Variants in KDM4C observed in about 807,000 individuals in gnomAD.
The protein encoded by KDM4C is lysine demethylase 4C.
A neutral mutation model predicts 129.3 loss-of-function variants in KDM4C; 81 were observed. The ratio of observed to expected loss-of-function variants is 0.63; its 90% confidence interval spans 0.52 to 0.75. The LOEUF is 0.75. Among genes scored for constraint, KDM4C ranks in the 30% least tolerant of loss-of-function variants. The pLI, the probability that KDM4C is intolerant of heterozygous loss-of-function variation, is 0.00. For synonymous variants in KDM4C, 573 were observed against 456.1 expected (o/e 1.26, Z -3.26); for missense variants, 1,457 against 1,304.0 (o/e 1.12, Z -1.81).
chr9:6,754,503 G>A (rs1357582088), upstream of KDM4C, among the ~76,000 whole-genome samples: 1 of 152,132 alleles, frequency 6.6e-6, no homozygotes, highest in Non-Finnish European at 1.5e-5. Context: ...ATGAGCCACT[G>A]TGCCCAGCTC....
intron 1 of KDM4C, among the ~76,000 whole-genome samples, chr9:6,780,366 A>G (rs772967891): frequency 7.5e-6 from 1 of 134,144 alleles, no homozygotes; most frequent in Non-Finnish European, 1.6e-5. Flanking sequence ...AACAGTAAAA[A>G]GTTAAGAGAT....
intron 17 of KDM4C, among the ~76,000 whole-genome samples, chr9:7,093,562 C>A (rs1836061491): frequency 6.6e-6 from 1 of 152,078 alleles, no homozygotes; most frequent in Non-Finnish European, 1.5e-5. Context: ...CCGCATTTTT[C>A]ATTGTTCTTC....
chr9:7,050,939 A>C (rs7031625), intron 17 of KDM4C, among the ~76,000 whole-genome samples: 97,414 of 152,040 alleles, frequency 0.64, 31,661 homozygotes, highest in South Asian at 0.73. Context: ...TCATCTTGAT[A>C]GTGCATATCA....
At chr9:7,107,298 T>C (rs1837801371) in intron 18 of KDM4C, among the ~76,000 whole-genome samples, 1 of 152,194 alleles carries the variant, frequency 6.6e-6, no homozygotes, top group African/African-American at 2.4e-5. Context: ...ACACAATAAA[T>C]AGTAGTTATG....
At chr9:6,782,162 C>T (rs1233236302) in intron 1 of KDM4C, among the ~76,000 whole-genome samples, 1 of 152,042 alleles carries the variant, frequency 6.6e-6, no homozygotes, top group Admixed American at 6.6e-5. Context: ...TTTGTAGATA[C>T]GGAATCTGTG....
At chr9:6,899,152 C>T (rs984976452) in intron 8 of KDM4C, among the ~76,000 whole-genome samples, 3 of 151,222 alleles carry the variant, frequency 2.0e-5, no homozygotes, top group African/African-American at 4.9e-5. Flanking sequence ...TTGCTGCGCT[C>T]TTTTATTTTT....
intron 8 of KDM4C, among the ~76,000 whole-genome samples, chr9:6,938,316 T>G (rs1046417689): frequency 2.6e-5 from 4 of 152,186 alleles, no homozygotes; most frequent in African/African-American, 9.7e-5. Flanking sequence ...AAGCCCCATT[T>G]CCAGGGGATG....
chr9:6,928,189 C>T (rs1045125704), intron 8 of KDM4C, among the ~76,000 whole-genome samples: 1 of 152,188 alleles, frequency 6.6e-6, no homozygotes, highest in African/African-American at 2.4e-5. Flanking sequence ...CCTTGCAACA[C>T]ATTCTTCTCA....
intron 17 of KDM4C, among the ~76,000 whole-genome samples, chr9:7,070,763 G>A (rs150891851): frequency 1.4e-3 from 209 of 152,254 alleles, no homozygotes; most frequent in African/African-American, 4.8e-3. Flanking sequence ...ACATAATGGT[G>A]ATACACTGAA....
At chr9:6,920,333 T>G (rs1213227905) in intron 8 of KDM4C, among the ~76,000 whole-genome samples, 1 of 152,038 alleles carries the variant, frequency 6.6e-6, no homozygotes. Flanking sequence ...ATAGTGATGT[T>G]ATCTGTAGAA....
At chr9:7,038,835 C>G (rs1828088081) in intron 15 of KDM4C, among the ~76,000 whole-genome samples, 1 of 151,842 alleles carries the variant, frequency 6.6e-6, no homozygotes, top group Non-Finnish European at 1.5e-5. Flanking sequence ...CATTCTTTTC[C>G]TTTTTCATTT....
intron 15 of KDM4C, among the ~76,000 whole-genome samples, chr9:7,022,118 G>A (rs1824974717): frequency 6.6e-6 from 1 of 152,090 alleles, no homozygotes; most frequent in African/African-American, 2.4e-5. Context: ...TTTTGCTTAG[G>A]ATAGTTTTGG....
intron 5 of KDM4C, among the ~76,000 whole-genome samples, chr9:6,851,582 C>T (rs1453557842): frequency 1.3e-5 from 2 of 152,026 alleles, no homozygotes; most frequent in Non-Finnish European, 2.9e-5. Flanking sequence ...CTATGTCTTG[C>T]TTAAGAAATC....
At chr9:6,867,809 C>T (rs1842280488) in intron 5 of KDM4C, among the ~76,000 whole-genome samples, 1 of 152,144 alleles carries the variant, frequency 6.6e-6, no homozygotes, top group South Asian at 2.1e-4. Flanking sequence ...ACAGTTGACA[C>T]ACAAAGCTTT....
intron 8 of KDM4C, among the ~76,000 whole-genome samples, chr9:6,935,527 C>G (rs1183463555): frequency 1.3e-5 from 2 of 151,816 alleles, no homozygotes; most frequent in Non-Finnish European, 2.9e-5. Flanking sequence ...AAGAGATTCT[C>G]CTGCCTTGGC....
exon 1 of KDM4C, chr9:6,720,893 G>A: frequency 6.8e-7 from 1 of 1,476,436 alleles, no homozygotes; most frequent in South Asian, 1.2e-5. Context: ...TGACCTGAAA[G>A]TTGTTGAATA....
At chr9:7,147,346 A>G (rs1842309665) in intron 19 of KDM4C, among the ~76,000 whole-genome samples, 2 of 152,182 alleles carry the variant, frequency 1.3e-5, no homozygotes, top group Admixed American at 6.5e-5. Context: ...AGCCGGACAT[A>G]TAAACACAGG....
intron 1 of KDM4C, chr9:6,749,030 T>A: frequency 1.6e-6 from 1 of 643,826 alleles, no homozygotes; most frequent in Non-Finnish European, 2.9e-6. Flanking sequence ...TTATTATTTT[T>A]ATTTTTGAAA....
intron 1 of KDM4C, among the ~76,000 whole-genome samples, chr9:6,763,913 A>C (rs952258422): frequency 2.0e-5 from 3 of 152,080 alleles, no homozygotes; most frequent in Admixed American, 2.0e-4. Context: ...CTGCGCTACC[A>C]CGCCCAGCTA....
Sources: allele counts gnomAD v4.1 joint callset (sites outside exome capture counted in the v4.1 genomes callset), GRCh38; gene constraint gnomAD v4.1.1; transcripts MANE v1.5; gene names NCBI Gene and HGNC (gene_info 2026-07-23, HGNC 2026-07-21).